Variants in BMPER observed in about 807,000 individuals in gnomAD.
The protein encoded by BMPER is BMP binding endothelial regulator.
A neutral mutation model predicts 87.3 loss-of-function variants in BMPER; 45 were observed. The observed-to-expected ratio is 0.52, with a 90% CI of 0.41 to 0.66. The LOEUF (loss-of-function observed/expected upper bound fraction) is 0.66, where lower values mean the gene tolerates loss of function less well. Ranked by LOEUF, BMPER falls within the 30% of genes least tolerant of loss-of-function variation. The probability of loss-of-function intolerance (pLI) is 0.00; values close to 1 mark genes in which losing one functional copy is unlikely to be tolerated. For synonymous variants in BMPER, 326 were observed against 316.2 expected (o/e 1.03, Z -0.33); for missense variants, 784 against 867.5 (o/e 0.90, Z 1.21).
intron 6 of BMPER, among the ~76,000 whole-genome samples, chr7:34,021,247 T>C (rs1787179244): frequency 6.6e-6 from 1 of 152,058 alleles, no homozygotes; most frequent in African/African-American, 2.4e-5. Flanking sequence ...GAATGATCAA[T>C]TGTAATGAAA....
chr7:34,106,776 T>C (rs1789830404), intron 13 of BMPER, among the ~76,000 whole-genome samples: 1 of 152,232 alleles, frequency 6.6e-6, no homozygotes, highest in Non-Finnish European at 1.5e-5. Context: ...GCCTACCTGT[T>C]CAAATAAACT....
At chr7:33,956,029 C>CA (rs1402935045) in intron 3 of BMPER, among the ~76,000 whole-genome samples, 1 of 148,746 alleles carries the variant, frequency 6.7e-6, no homozygotes, top group East Asian at 1.9e-4. Context: ...AACAAACAAA[C>CA]AAAAAACCAC....
At chr7:33,946,282 CAT>C (rs1436881536) in intron 3 of BMPER, among the ~76,000 whole-genome samples, 2 of 152,112 alleles carry the variant, frequency 1.3e-5, no homozygotes, top group African/African-American at 4.8e-5. Flanking sequence ...CCTCCCATGA[CAT>C]GTGAGGATTA....
chr7:34,079,069 A>G lies in BMPER; in HGVS notation c.1291A>G (p.Ser431Gly). Reference sequence around the variant, plus strand: ...GCTGGTGCTGGGCGAGAGCAGGGTCAGCCTGCAGCAGCACCTCACCGTGCG... The same window carrying G: ...GCTGGTGCTGGGCGAGAGCAGGGTCGGCCTGCAGCAGCACCTCACCGTGCG... ...VELVLGESRVSLQQHLTVRWN... is the reference protein window; with the variant it reads ...VELVLGESRVGLQQHLTVRWN... Residue 431 changes from serine to glycine, a missense_variant, in exon 12 of 15, where the codon AGC becomes GGC. Ser to Gly is a moderately conservative substitution (Grantham distance 56). Transcript: ENST00000649409. 1.2e-6 allele frequency: 2 copies of G among 1,614,128 alleles called. No individual in the cohort carries two copies. Among genetic ancestry groups the G allele is most frequent in the Non-Finnish European group, 1.7e-6 (2 of 1,180,024 alleles).
intron 7 of BMPER, among the ~76,000 whole-genome samples, chr7:34,047,742 G>A (rs975482950): frequency 1.4e-4 from 12 of 83,352 alleles, no homozygotes; most frequent in Non-Finnish European, 2.5e-4. Context: ...TTCCCTAATC[G>A]CCTCTGGCTT....
At chr7:34,032,081 T>G (rs1358995785) in intron 6 of BMPER, among the ~76,000 whole-genome samples, 1 of 150,848 alleles carries the variant, frequency 6.6e-6, no homozygotes, top group Admixed American at 6.6e-5. Context: ...ATTAAAAGCT[T>G]TACCTCAGTT....
intron 2 of BMPER, among the ~76,000 whole-genome samples, chr7:33,917,068 C>G (rs1784103081): frequency 6.6e-6 from 1 of 151,998 alleles, no homozygotes; most frequent in South Asian, 2.1e-4. Context: ...AGGAACATTC[C>G]CTTTTATAGA....
intron 13 of BMPER, among the ~76,000 whole-genome samples, chr7:34,111,775 A>C (rs1165936032): frequency 6.6e-6 from 1 of 152,168 alleles, no homozygotes; most frequent in Non-Finnish European, 1.5e-5. Flanking sequence ...GTGCAATGGC[A>C]CGATCTCGGC....
intron 13 of BMPER, among the ~76,000 whole-genome samples, chr7:34,088,738 G>A (rs1348998809): frequency 2.6e-5 from 4 of 152,174 alleles, no homozygotes; most frequent in Non-Finnish European, 4.4e-5. Context: ...GGCACAGAGC[G>A]TGCTGCTGTC....
intron 13 of BMPER, among the ~76,000 whole-genome samples, chr7:34,133,293 TA>T (rs1216221970): frequency 6.6e-6 from 1 of 152,076 alleles, no homozygotes; most frequent in Non-Finnish European, 1.5e-5. Flanking sequence ...TGGCTGGTGA[TA>T]TAATTAATCA....
intron 3 of BMPER, among the ~76,000 whole-genome samples, chr7:33,957,454 A>G (rs568352619): frequency 6.6e-6 from 1 of 151,850 alleles, no homozygotes; most frequent in African/African-American, 2.4e-5. Flanking sequence ...GACAGAAGCA[A>G]GAAGCAAACT....
At chr7:34,125,920 G>A (rs937080412) in intron 13 of BMPER, among the ~76,000 whole-genome samples, 1 of 152,192 alleles carries the variant, frequency 6.6e-6, no homozygotes, top group Non-Finnish European at 1.5e-5. Context: ...GGGAGTGGGA[G>A]CATTTGCCAT....
intron 12 of BMPER, among the ~76,000 whole-genome samples, chr7:34,082,802 A>C (rs1789089322): frequency 6.6e-6 from 1 of 152,216 alleles, no homozygotes; most frequent in African/African-American, 2.4e-5. Flanking sequence ...TGGTGTGTAC[A>C]TTCTCAACCA....
intron 2 of BMPER, among the ~76,000 whole-genome samples, chr7:33,920,290 C>T (rs1784189206): frequency 6.6e-6 from 1 of 152,052 alleles, no homozygotes; most frequent in South Asian, 2.1e-4. Context: ...GCAGTGGTGG[C>T]TCTCAGATTT....
At chr7:33,905,845 G>T (rs1281124067) in intron 1 of BMPER, 99 bp downstream of exon 1, 1 of 1,375,722 alleles carries the variant, frequency 7.3e-7, no homozygotes, top group East Asian at 2.5e-5. Context: ...GGTGGGGAGC[G>T]CGCACCTTGG....
At chr7:34,150,541 T>C (rs1791144594) in intron 14 of BMPER, among the ~76,000 whole-genome samples, 2 of 152,192 alleles carry the variant, frequency 1.3e-5, no homozygotes, top group African/African-American at 4.8e-5. Flanking sequence ...TGTATAAATA[T>C]GATATTCAGC....
chr7:33,963,237 C>T (rs956491036), intron 3 of BMPER, among the ~76,000 whole-genome samples: 5 of 152,058 alleles, frequency 3.3e-5, no homozygotes. Context: ...TGAGTTGTTC[C>T]TCCTGCTCCC....
At chr7:33,916,748 C>T (rs774566287) in intron 2 of BMPER, among the ~76,000 whole-genome samples, 3 of 152,178 alleles carry the variant, frequency 2.0e-5, no homozygotes, top group South Asian at 4.1e-4. Flanking sequence ...AGAACCTCGT[C>T]GTGGTCATCT....
chr7:33,931,149 G>T (rs951868508), intron 2 of BMPER, among the ~76,000 whole-genome samples: 1 of 152,200 alleles, frequency 6.6e-6, no homozygotes, highest in Non-Finnish European at 1.5e-5. Flanking sequence ...AGGAGACCTC[G>T]CCTGTTTGGC....
Sources: gnomAD v4.1 joint callset for allele counts (sites outside exome capture counted in the v4.1 genomes callset) on GRCh38, gnomAD v4.1.1 for gene constraint, MANE v1.5 for transcripts, NCBI Gene and HGNC (gene_info 2026-07-23, HGNC 2026-07-21) for gene names.